Variants in KIF21B observed in about 807,000 individuals in gnomAD.
KIF21B encodes kinesin-like protein KIF21B.
In KIF21B, 85 loss-of-function variants were observed where a neutral mutation model predicts 192.9. That is an observed-to-expected ratio of 0.44 (90% CI 0.37 to 0.53). The LOEUF is 0.53. Among genes scored for constraint, KIF21B ranks in the 20% least tolerant of loss-of-function variants. The pLI, the probability that KIF21B is intolerant of heterozygous loss-of-function variation, is 0.00. For missense variants in KIF21B, 1,716 were observed against 2,194.8 expected (o/e 0.78, Z 4.36); for synonymous variants, 832 against 884.6 (o/e 0.94, Z 1.05).
At position 201,005,314 on chromosome 1, in the gene KIF21B, G is replaced by A. The variant is rs762563226; in HGVS notation, c.726C>T (p.Pro242=). ...CCCCCTGCAGGCTCCTCACCAGGTC[G>A]GGCTGGGTGCACATGCGCATCTGGC... ...HLCQMRMCTQ[P]DLVNEAVTGL... The change falls in exon 5 of 35, where the codon CCC becomes CCT. Residue 242 remains proline, a synonymous_variant. Transcript: ENST00000461742. The A allele has an allele frequency of 2.2e-5, 35 of 1,599,256 alleles. No individual in the cohort carries two copies. Among genetic ancestry groups the A allele is most frequent in the African/African-American group, 4.0e-5 (3 of 74,720 alleles).
Position 200,975,690 on chromosome 1 carries a change from A to ACTG in KIF21B, c.4444-22_4444-21insCAG. 1 of 1,593,732 alleles carries ACTG rather than the reference A, an allele frequency of 6.3e-7. No homozygotes were observed. On this transcript the variant is annotated intron_variant, in intron 32 of 34. Transcript: ENST00000461742. The surrounding 1 kb of genome is among the most constrained non-coding windows in gnomAD (Gnocchi z 4.3). The stretch of plus-strand genomic sequence containing the variant: ...AACATCTGTGGGAGGAGGGGCCAGT[A>ACTG]GGGAGAGGCCAAGTGGGAGGATGGA...
intron 1 of KIF21B, among the ~76,000 whole-genome samples, chr1:201,010,071 T>C (rs1658142288): frequency 1.3e-5 from 2 of 152,146 alleles, no homozygotes; most frequent in Admixed American, 6.5e-5. Flanking sequence ...CAGGACTAAG[T>C]TCTAGAGGAG....
In KIF21B at chr1:201,000,480, C is replaced by T. The variant is rs1279620644; in HGVS notation, c.1595G>A (p.Ser532Asn). ...CACCTCCGAGGCATCCTCCATGGAGCTGGCAGGGCTGCCCCCGAAGGCCGG... is the reference window on the plus strand; with the variant it reads ...CACCTCCGAGGCATCCTCCATGGAGTTGGCAGGGCTGCCCCCGAAGGCCGG... ...AAPAFGGSPA[S>N]SMEDASEVIR... is the part of the protein sequence containing the mutation. Residue 532 changes from serine to asparagine, a missense_variant, in exon 11 of 35, where the codon AGC becomes AAC. Ser to Asn is a conservative substitution (Grantham distance 46). This residue lies in a region of KIF21B where 1,087 missense variants were observed against 1,316.6 expected (regional missense o/e 0.83). Transcript: ENST00000461742. This position sits in a 1 kb window ranked among gnomAD's most constrained non-coding sequence, Gnocchi z 6.0. 1 of 1,604,792 alleles carries T rather than the reference C, an allele frequency of 6.2e-7. No homozygotes were observed. The highest frequency in any genetic ancestry group is 1.1e-5 in the South Asian group (1 of 90,540).
chr1:200,997,679 T>C (rs1250057745), intron 14 of KIF21B, among the ~76,000 whole-genome samples: 1 of 152,024 alleles, frequency 6.6e-6, no homozygotes, highest in Non-Finnish European at 1.5e-5. Flanking sequence ...GGGTCAGAGG[T>C]TGCAGTTAGC....
chr1:201,022,156 C>T (rs1230650577), intron 1 of KIF21B, among the ~76,000 whole-genome samples: 1 of 152,220 alleles, frequency 6.6e-6, no homozygotes, highest in Non-Finnish European at 1.5e-5. Context: ...GCCAGGTGGC[C>T]GTGGCAAGGG....
chr1:200,998,651 G>A lies in KIF21B; in HGVS notation c.1886-76C>T, dbSNP rs960141678. 338 of 1,370,710 alleles carry A rather than the reference G, an allele frequency of 2.5e-4. 1 individual carries two copies. Among genetic ancestry groups the A allele is most frequent in the East Asian group, 1.5e-3 (66 of 43,252 alleles). 84.9% of individuals were successfully genotyped at this position (1,370,710 alleles called of 1,614,324 possible). A position where few individuals can be genotyped will look rare whatever the true frequency, so the allele number is the denominator to read the frequency against. ...GGGGAGCAGATGTGCCAGTGCTGGG[G>A]AGCTGGGACCCTCCTTTGGTCAGCC... On this transcript the variant is annotated intron_variant, in intron 13 of 34. Transcript: ENST00000461742. The surrounding 1 kb of genome is among the most constrained non-coding windows in gnomAD (Gnocchi z 4.3).
Position 201,000,798 on chromosome 1 carries a change from G to A in KIF21B, c.1403-18C>T, listed in dbSNP as rs1657446516. The A allele has an allele frequency of 6.2e-7, 1 of 1,613,952 alleles. No homozygotes were observed. On this transcript the variant is annotated intron_variant, in intron 9 of 34. Transcript: ENST00000461742. This position sits in a 1 kb window ranked among gnomAD's most constrained non-coding sequence, Gnocchi z 6.0. ...GCCATCGCCTGGAGTGGGACGGCGG[G>A]AAGAAGGGTGCGATAAAGAAGATAA...
rs545004485 is a variant in KIF21B, at chr1:201,023,169, C to G, written c.41+174G>C. On this transcript the variant is annotated intron_variant, in intron 1 of 34. Coordinates refer to ENST00000461742, the MANE Select transcript of KIF21B (RefSeq NM_001252102.2). This position sits in a 1 kb window ranked among gnomAD's most constrained non-coding sequence, Gnocchi z 5.9. Reference sequence around the variant, plus strand: ...CTTCCAGTAGTCGGCGGGGTCGCCGCTCCCCTGCGGCAGACTGGCCAGCGC... The same window carrying G: ...CTTCCAGTAGTCGGCGGGGTCGCCGGTCCCCTGCGGCAGACTGGCCAGCGC... Among the ~76,000 whole-genome samples, 1 of 152,258 alleles carries G rather than the reference C, an allele frequency of 6.6e-6. No individual in the cohort carries two copies. Among genetic ancestry groups the G allele is most frequent in the Non-Finnish European group, 1.5e-5 (1 of 68,046 alleles).
At chr1:201,012,293 T>C (rs1193237143) in intron 1 of KIF21B, among the ~76,000 whole-genome samples, 2 of 152,152 alleles carry the variant, frequency 1.3e-5, no homozygotes, top group African/African-American at 2.4e-5. Context: ...CAGGGGGGCA[T>C]GGACCCTGGT....
chr1:201,007,367 C>T (rs1657933833), intron 3 of KIF21B, among the ~76,000 whole-genome samples: 1 of 100,442 alleles, frequency 1.0e-5, no homozygotes, highest in East Asian at 2.4e-4. Context: ...CACACACACA[C>T]ACACAGAGAC....
chr1:200,984,260 T>C (rs1656136290), intron 27 of KIF21B, among the ~76,000 whole-genome samples: 1 of 152,202 alleles, frequency 6.6e-6, no homozygotes, highest in Non-Finnish European at 1.5e-5. Flanking sequence ...GGGAAGACAA[T>C]TCTCGTGGTT....
Position 200,998,571 on chromosome 1 carries a change from C to T in KIF21B, c.1890G>A (p.Val630=). Residue 630 remains valine (V), a synonymous_variant, in exon 14 of 35, where the codon GTG becomes GTA. Coordinates refer to ENST00000461742, the MANE Select transcript of KIF21B (RefSeq NM_001252102.2). This position sits in a 1 kb window ranked among gnomAD's most constrained non-coding sequence, Gnocchi z 4.3. ...DSDSDPEEKE[V]NFQADLADLT... is the part of the protein sequence containing the mutation. The stretch of plus-strand genomic sequence containing the variant: ...GGTCGGCCAGGTCCGCCTGGAAGTT[C>T]ACCTCTATGGGGGCACAATCAGGCT... 1 of 1,613,322 alleles carries T rather than the reference C, an allele frequency of 6.2e-7. No individual in the cohort carries two copies.
chr1:200,989,528 A>C (rs1292780134), intron 21 of KIF21B, among the ~76,000 whole-genome samples: 1 of 152,172 alleles, frequency 6.6e-6, no homozygotes, highest in Non-Finnish European at 1.5e-5. Context: ...GGGACACCTG[A>C]TGTTCTGGTG....
chr1:200,973,292 C>A lies in KIF21B; in HGVS notation c.*229G>T. ...GGGATAATGCCCTTTGGCTTCACAG[C>A]TTAATTTCCTCCCCAGCCTCTCTCT... On this transcript the variant is annotated 3_prime_UTR_variant, in exon 35 of 35. Coordinates refer to ENST00000461742, the MANE Select transcript of KIF21B (RefSeq NM_001252102.2). The A allele has an allele frequency of 2.1e-6, 1 of 483,580 alleles. No individual in the cohort carries two copies. Among genetic ancestry groups the A allele is most frequent in the Non-Finnish European group, 3.4e-6 (1 of 290,586 alleles). 30.0% of individuals were successfully genotyped at this position (483,580 alleles called of 1,614,324 possible). A position where few individuals can be genotyped will look rare whatever the true frequency, so the allele number is the denominator to read the frequency against.
At position 200,990,752 on chromosome 1, in the gene KIF21B, T is replaced by C; in HGVS notation, c.2688-29A>G. 2 of 1,613,046 alleles carry C rather than the reference T, an allele frequency of 1.2e-6. No individual in the cohort carries two copies. The highest frequency in any genetic ancestry group is 1.7e-6 in the Non-Finnish European group (2 of 1,179,418). ...GGAGACATAGGCAAAGGGGATTGGA[T>C]GGGACTCCTTTTAACCTCTGCAGCT... On this transcript the variant is annotated intron_variant, in intron 18 of 34. Transcript: ENST00000461742. The surrounding 1 kb of genome is among the most constrained non-coding windows in gnomAD (Gnocchi z 5.4).
At position 201,008,799 on chromosome 1, in the gene KIF21B, A is replaced by T. The variant is rs1396109239; in HGVS notation, c.417T>A (p.Pro139=). The T allele has an allele frequency of 6.9e-6, 11 of 1,603,188 alleles. No homozygotes were observed. The highest frequency in any genetic ancestry group is 9.3e-6 in the Non-Finnish European group (11 of 1,179,556). The change falls in exon 3 of 35, where the codon CCT becomes CCA. Residue 139 remains proline, a synonymous_variant. Coordinates refer to ENST00000461742, the MANE Select transcript of KIF21B (RefSeq NM_001252102.2). ...RRAQEQGVAG[P]EFKVSAQFLE... The stretch of plus-strand genomic sequence containing the variant: ...GAAACTGGGCGCTGACTTTGAACTC[A>T]GGTCCAGCCACGCCCTGCTCCTGTG...
intron 1 of KIF21B, among the ~76,000 whole-genome samples, chr1:201,019,523 A>G (rs987104501): frequency 1.4e-5 from 2 of 143,494 alleles, no homozygotes; most frequent in African/African-American, 2.6e-5. Flanking sequence ...GGCACATATC[A>G]CCTCTGCCAC....
At position 200,990,874 on chromosome 1, in the gene KIF21B, C is replaced by A; in HGVS notation, c.2687+43G>T. On this transcript the variant is annotated intron_variant, in intron 18 of 34. Transcript: ENST00000461742. This position sits in a 1 kb window ranked among gnomAD's most constrained non-coding sequence, Gnocchi z 5.4. ...CCCTGGCCCTGCCCCATATTCCCAC[C>A]CCCTCTGCCTGCACAGGCCAGGGGA... 1 of 1,609,906 alleles carries A rather than the reference C, an allele frequency of 6.2e-7. No homozygotes were observed. Among genetic ancestry groups the A allele is most frequent in the East Asian group, 2.2e-5 (1 of 44,804 alleles).
intron 1 of KIF21B, among the ~76,000 whole-genome samples, chr1:201,014,145 C>T: frequency 6.6e-6 from 1 of 152,224 alleles, no homozygotes; most frequent in Non-Finnish European, 1.5e-5. Flanking sequence ...GCACAGGCAG[C>T]GAAGTTGCTG....
Sources: gnomAD v4.1 joint callset for allele counts (sites outside exome capture counted in the v4.1 genomes callset) on GRCh38, gnomAD v4.1.1 for gene constraint, gnomAD v4.1.1 regional missense constraint, Gnocchi (gnomAD v3.1) non-coding constraint, MANE v1.5 for transcripts, NCBI Gene and HGNC (gene_info 2026-07-23, HGNC 2026-07-21) for gene names.